The following MEPE variants were observed in gnomAD, a reference collection of about 807,000 sequenced individuals.
MEPE encodes the protein matrix, extracellular phosphoglycoprotein with ASARM motif (bone).
In MEPE, 7 loss-of-function variants were observed where a neutral mutation model predicts 7.3. The ratio of observed to expected loss-of-function variants is 0.95; its 90% CI spans 0.54 to 1.79. MEPE has a LOEUF of 1.79. MEPE is among the 40% of genes most tolerant of loss of function. The pLI is 0.00. For synonymous variants in MEPE, 214 were observed against 213.1 expected, an observed-to-expected ratio of 1.00 and a Z score of -0.04; for missense variants, 623 against 628.2, an observed-to-expected ratio of 0.99 and a Z score of 0.09.
intron 1 of MEPE, among the ~76,000 whole-genome samples, chr4:87,821,809 A>G (rs190289473): frequency 1.3e-5 from 2 of 152,326 alleles, no homozygotes; most frequent in Admixed American, 6.5e-5. Context: ...ACCAGATTTC[A>G]TAGTCCCGTA....
chr4:87,828,435 TAG>T (rs1172490140), upstream of MEPE, among the ~76,000 whole-genome samples: 1 of 152,056 alleles, frequency 6.6e-6, no homozygotes, highest in Admixed American at 6.6e-5. Flanking sequence ...GTTACCTTAA[TAG>T]AGTCAAGAAT....
At chr4:87,830,931 A>G (rs1722583164), upstream of MEPE, among the ~76,000 whole-genome samples, 1 of 151,984 alleles carries the variant, frequency 6.6e-6, no homozygotes, top group Non-Finnish European at 1.5e-5. Flanking sequence ...GTTTTTGTCT[A>G]TTTGGAGGGT....
At chr4:87,827,822 A>G (rs1443679940) in intron 1 of MEPE, among the ~76,000 whole-genome samples, 1 of 152,230 alleles carries the variant, frequency 6.6e-6, no homozygotes, top group Non-Finnish European at 1.5e-5. Flanking sequence ...GAATGAACAC[A>G]GCTAACTTCA....
At chr4:87,829,865 CTTT>C (rs3037623), upstream of MEPE, among the ~76,000 whole-genome samples, 3 of 111,874 alleles carry the variant, frequency 2.7e-5, no homozygotes, top group Non-Finnish European at 3.9e-5. Context: ...CACCCAAATC[CTTT>C]TTTTTTTTTT....
At chr4:87,831,704 T>C (rs1206178704), upstream of MEPE, among the ~76,000 whole-genome samples, 1 of 152,148 alleles carries the variant, frequency 6.6e-6, no homozygotes, top group African/African-American at 2.4e-5. Context: ...GACCTACAGG[T>C]CCTATACCAT....
At chr4:87,829,080 C>T (rs1319728716), upstream of MEPE, among the ~76,000 whole-genome samples, 1 of 152,060 alleles carries the variant, frequency 6.6e-6, no homozygotes, top group Non-Finnish European at 1.5e-5. Context: ...AGTTCAATTT[C>T]AACACAGAGG....
chr4:87,830,253 A>G (rs1022884253), upstream of MEPE, among the ~76,000 whole-genome samples: 1 of 152,154 alleles, frequency 6.6e-6, no homozygotes, highest in Non-Finnish European at 1.5e-5. Flanking sequence ...AATATAACAC[A>G]TTCTTCCATA....
intron 1 of MEPE, among the ~76,000 whole-genome samples, chr4:87,824,679 TAA>T (rs775155208): frequency 5.9e-5 from 9 of 152,250 alleles, no homozygotes; most frequent in Non-Finnish European, 1.0e-4. Flanking sequence ...ATTAATCACT[TAA>T]GAGATAAATT....
chr4:87,829,154 T>C, upstream of MEPE, among the ~76,000 whole-genome samples: 1 of 152,138 alleles, frequency 6.6e-6, no homozygotes. Flanking sequence ...AGGATCATTC[T>C]CCTAATTTTT....
At chr4:87,839,673 G>A (rs1313607919) in intron 3 of MEPE, 2 of 1,538,268 alleles carry the variant, frequency 1.3e-6, no homozygotes, top group Non-Finnish European at 8.8e-7. Flanking sequence ...ATATAATGTT[G>A]TGTTTTTGTA....
chr4:87,843,495 T>A (rs764109056), intron 3 of MEPE, among the ~76,000 whole-genome samples: 3 of 152,084 alleles, frequency 2.0e-5, no homozygotes, highest in Non-Finnish European at 4.4e-5. Context: ...TGTTCCAATC[T>A]CTCAATAAAT....
intron 3 of MEPE, among the ~76,000 whole-genome samples, chr4:87,844,752 T>C (rs1377818642): frequency 2.0e-5 from 3 of 152,200 alleles, no homozygotes; most frequent in Non-Finnish European, 4.4e-5. Flanking sequence ...ACAATTTCCC[T>C]TCTGCATATT....
chr4:87,834,689 T>C lies in MEPE; in HGVS notation c.-12-14T>C. 6.2e-7 allele frequency: 1 copy of C among 1,608,608 alleles called. No individual in the cohort carries two copies. Among genetic ancestry groups the C allele is most frequent in the Admixed American group, 1.7e-5 (1 of 59,458 alleles). ...GGCAATGCTTTGTGGTAAGATATTG[T>C]TGTCTTTTTACAGAGATTCTCAAAG... On this transcript the variant is annotated splice_polypyrimidine_tract_variant and intron_variant, in intron 1 of 3. Transcript: ENST00000361056.
chr4:87,846,524 C>A lies in MEPE; in HGVS notation c.*78C>A. On this transcript the variant is annotated 3_prime_UTR_variant, in exon 4 of 4. Coordinates refer to ENST00000361056, the MANE Select transcript of MEPE (RefSeq NM_020203.6). ...GTTGATGTAGAGGAGAGCCACCTGA[C>A]AGCTGACCAGGTGAAGAGAGGATAG... 1 of 1,456,550 alleles carries A rather than the reference C, an allele frequency of 6.9e-7. No homozygotes were observed. Among genetic ancestry groups the A allele is most frequent in the South Asian group, 1.3e-5 (1 of 74,696 alleles). The allele number at this position is 1,456,550 out of a possible 1,614,324, so 90.2% of individuals were successfully genotyped here. A position where few individuals can be genotyped will look rare whatever the true frequency, so the allele number is the denominator to read the frequency against.
chr4:87,834,524 T>C (rs1281896615), intron 1 of MEPE, among the ~76,000 whole-genome samples, 179 bp from the exon 2 acceptor site: 1 of 152,214 alleles, frequency 6.6e-6, no homozygotes, highest in East Asian at 1.9e-4. Flanking sequence ...TGAAAGTTCT[T>C]AAAATGTCCA....
upstream of MEPE, among the ~76,000 whole-genome samples, chr4:87,829,153 C>G (rs1578052311): frequency 6.6e-6 from 1 of 152,090 alleles, no homozygotes; most frequent in Admixed American, 6.6e-5. Context: ...AAGGATCATT[C>G]TCCTAATTTT....
At chr4:87,826,757 T>C (rs1722480793) in intron 1 of MEPE, among the ~76,000 whole-genome samples, 1 of 152,238 alleles carries the variant, frequency 6.6e-6, no homozygotes, top group Admixed American at 6.5e-5. Flanking sequence ...TGTTGAGCTT[T>C]TTTTCACGTA....
chr4:87,841,475 C>T (rs1324840657), intron 3 of MEPE, among the ~76,000 whole-genome samples: 1 of 152,088 alleles, frequency 6.6e-6, no homozygotes, highest in Non-Finnish European at 1.5e-5. Context: ...ATAACTTTTA[C>T]AAATAAGTAA....
chr4:87,823,248 G>A (rs1431298184), intron 1 of MEPE, among the ~76,000 whole-genome samples: 1 of 152,184 alleles, frequency 6.6e-6, no homozygotes, highest in Non-Finnish European at 1.5e-5. Flanking sequence ...TGGCCACAGT[G>A]TAACTGCTTC....
Sources: allele counts gnomAD v4.1 joint callset (sites outside exome capture counted in the v4.1 genomes callset), GRCh38; gene constraint gnomAD v4.1.1; transcripts MANE v1.5; gene names NCBI Gene and HGNC (gene_info 2026-07-23, HGNC 2026-07-21).